Variants in AKAP6 observed in about 807,000 individuals in gnomAD.
AKAP6 encodes the protein A-kinase anchor protein 6.
A neutral mutation model predicts 188.5 loss-of-function variants in AKAP6; 58 were observed. The ratio of observed to expected loss-of-function variants is 0.31; its 90% CI spans 0.25 to 0.38. AKAP6 has a LOEUF of 0.38. AKAP6 is among the 10% of genes least tolerant of loss of function. The pLI is 1.00. For synonymous variants in AKAP6, 989 were observed against 998.6 expected, an observed-to-expected ratio of 0.99 and a Z score of 0.18; for missense variants, 2,710 against 2,740.0, an observed-to-expected ratio of 0.99 and a Z score of 0.24.
chr14:32,456,472 T>G (rs1891149680), intron 2 of AKAP6, among the ~76,000 whole-genome samples: 1 of 152,216 alleles, frequency 6.6e-6, no homozygotes, highest in Non-Finnish European at 1.5e-5. Flanking sequence ...CAAATACAAC[T>G]GTTTTCAGAA....
intron 1 of AKAP6, among the ~76,000 whole-genome samples, chr14:32,388,221 T>C (rs954817211): frequency 9.2e-5 from 14 of 152,126 alleles, no homozygotes; most frequent in African/African-American, 3.4e-4. Flanking sequence ...TTGAGTTTAT[T>C]TGGATTTTCT....
At chr14:32,530,506 A>G (rs1882363663) in intron 2 of AKAP6, among the ~76,000 whole-genome samples, 1 of 152,110 alleles carries the variant, frequency 6.6e-6, no homozygotes, top group African/African-American at 2.4e-5. Context: ...TGGCAATTTG[A>G]GGCACCTTGG....
intron 5 of AKAP6, among the ~76,000 whole-genome samples, chr14:32,583,513 C>G (rs1885079893): frequency 6.6e-6 from 1 of 152,220 alleles, no homozygotes; most frequent in Admixed American, 6.5e-5. Flanking sequence ...AGGTGTCAGA[C>G]AGGGACATTT....
At chr14:32,331,208 A>G (rs1459264728) in intron 1 of AKAP6, among the ~76,000 whole-genome samples, 3 of 152,070 alleles carry the variant, frequency 2.0e-5, no homozygotes, top group Admixed American at 6.6e-5. Context: ...GGAGTAAAAA[A>G]AAGCAAAAGG....
intron 1 of AKAP6, among the ~76,000 whole-genome samples, chr14:32,400,015 C>T (rs1324174638): frequency 6.6e-6 from 1 of 152,066 alleles, no homozygotes; most frequent in Admixed American, 6.6e-5. Flanking sequence ...TTCTTCTTTT[C>T]TTCCACCAGG....
At chr14:32,395,298 A>G (rs771221694) in intron 1 of AKAP6, among the ~76,000 whole-genome samples, 7 of 152,176 alleles carry the variant, frequency 4.6e-5, no homozygotes, top group Non-Finnish European at 7.3e-5. Context: ...AATTATTTGT[A>G]TAATATATTC....
chr14:32,676,527 C>G (rs1192632497), intron 7 of AKAP6, among the ~76,000 whole-genome samples: 2 of 152,086 alleles, frequency 1.3e-5, no homozygotes, highest in Non-Finnish European at 1.5e-5. Context: ...AGCCATACCC[C>G]CTACTCCCAG....
At chr14:32,463,151 G>A (rs183290522) in intron 2 of AKAP6, among the ~76,000 whole-genome samples, 1 of 152,076 alleles carries the variant, frequency 6.6e-6, no homozygotes, top group East Asian at 1.9e-4. Flanking sequence ...CAGTAATAGT[G>A]GGAGAGTTTA....
intron 2 of AKAP6, among the ~76,000 whole-genome samples, chr14:32,495,828 G>T (rs1880287758): frequency 6.6e-6 from 1 of 152,066 alleles, no homozygotes; most frequent in African/African-American, 2.4e-5. Flanking sequence ...CTGCTTAATA[G>T]GGTCTGGGTT....
chr14:32,766,039 G>A (rs1442918842), intron 11 of AKAP6, among the ~76,000 whole-genome samples: 1 of 152,066 alleles, frequency 6.6e-6, no homozygotes, highest in Non-Finnish European at 1.5e-5. Context: ...GGAGGCCATG[G>A]CAATCACTAT....
chr14:32,551,120 A>G (rs181807517), intron 4 of AKAP6, among the ~76,000 whole-genome samples: 1 of 152,222 alleles, frequency 6.6e-6, no homozygotes, highest in East Asian at 1.9e-4. Flanking sequence ...TCCCTTTCCT[A>G]GAACATACTT....
intron 7 of AKAP6, among the ~76,000 whole-genome samples, chr14:32,666,852 T>A (rs1035608872): frequency 2.6e-5 from 4 of 152,112 alleles, no homozygotes; most frequent in African/African-American, 7.2e-5. Context: ...GCTACAGATA[T>A]CAAATTATAA....
At chr14:32,544,068 A>AG (rs1454635571) in intron 3 of AKAP6, among the ~76,000 whole-genome samples, 1 of 152,210 alleles carries the variant, frequency 6.6e-6, no homozygotes, top group Non-Finnish European at 1.5e-5. Context: ...ACAAATGAGC[A>AG]GTAAAACCAG....
chr14:32,545,690 A>G lies in AKAP6; in HGVS notation c.1037A>G (p.Gln346Arg). Residue 346 changes from glutamine (Q) to arginine (R), a missense_variant, in exon 4 of 14, where the codon CAA becomes CGA. By Grantham distance (43) the Gln-to-Arg change is conservative. Transcript: ENST00000280979. ...AAQPSSETVQ[Q>R]ESSSSSHHDA... ...CAACCCTCCTCTGAGACTGTGCAGC[A>G]AGAATCCAGTTCCTCCTCCCATCAT... is the stretch of plus-strand genomic sequence containing the variant. The G allele has an allele frequency of 6.2e-7, 1 of 1,614,200 alleles. No homozygotes were observed. Among genetic ancestry groups the G allele is most frequent in the Non-Finnish European group, 8.5e-7 (1 of 1,180,034 alleles).
At chr14:32,423,337 G>A in intron 1 of AKAP6, among the ~76,000 whole-genome samples, 1 of 151,786 alleles carries the variant, frequency 6.6e-6, no homozygotes, top group Non-Finnish European at 1.5e-5. Context: ...GCCTGGCTAA[G>A]TTTTTGTATT....
intron 12 of AKAP6, among the ~76,000 whole-genome samples, chr14:32,804,556 G>A (rs1482228321): frequency 2.6e-5 from 4 of 152,138 alleles, no homozygotes; most frequent in Non-Finnish European, 4.4e-5. Flanking sequence ...AGGACAAAAG[G>A]CAAAACAGAA....
intron 2 of AKAP6, chr14:32,473,955 T>C (rs1878919337): frequency 6.6e-6 from 1 of 152,648 alleles, no homozygotes; most frequent in Non-Finnish European, 1.5e-5. Flanking sequence ...TGGAGTGCGG[T>C]GGCACGATCT....
chr14:32,525,977 A>G (rs1478767911), intron 2 of AKAP6, among the ~76,000 whole-genome samples: 2 of 152,252 alleles, frequency 1.3e-5, no homozygotes, highest in Non-Finnish European at 2.9e-5. Flanking sequence ...TACTGTTTAT[A>G]GAGTTCTTCA....
intron 2 of AKAP6, among the ~76,000 whole-genome samples, chr14:32,520,097 C>A (rs904181662): frequency 1.3e-5 from 2 of 152,144 alleles, no homozygotes; most frequent in Non-Finnish European, 1.5e-5. Context: ...TGAATGACTA[C>A]TGGGTACATA....
Sources: gnomAD v4.1 joint callset for allele counts (sites outside exome capture counted in the v4.1 genomes callset) on GRCh38, gnomAD v4.1.1 for gene constraint, MANE v1.5 for transcripts, NCBI Gene and HGNC (gene_info 2026-07-23, HGNC 2026-07-21) for gene names.